The following PIK3CD variants were observed in gnomAD, a reference collection of about 807,000 sequenced individuals.
PIK3CD encodes the protein phosphatidylinositol 4,5-bisphosphate 3-kinase catalytic subunit delta isoform.
In PIK3CD, 20 loss-of-function variants were observed where a neutral mutation model predicts 122.9. The ratio of observed to expected loss-of-function variants is 0.16; its 90% CI spans 0.11 to 0.24. The LOEUF (loss-of-function observed/expected upper bound fraction) is 0.24. Among genes scored for constraint, PIK3CD ranks in the 10% least tolerant of loss-of-function variants. The pLI, the probability that PIK3CD is intolerant of heterozygous loss-of-function variation, is 1.00. For missense variants in PIK3CD, 787 were observed against 1,406.3 expected (o/e 0.56, Z 7.04); for synonymous variants, 596 against 593.4 (o/e 1.00, Z -0.06).
At chr1:9,669,389 A>G (rs1302552484) in intron 1 of PIK3CD, among the ~76,000 whole-genome samples, 1 of 152,176 alleles carries the variant, frequency 6.6e-6, no homozygotes, top group African/African-American at 2.4e-5. Flanking sequence ...CTGAGTCAAC[A>G]TGAGTGACCA....
At chr1:9,659,172 A>G (rs1265403930) in intron 1 of PIK3CD, among the ~76,000 whole-genome samples, 1 of 143,002 alleles carries the variant, frequency 7.0e-6, no homozygotes, top group East Asian at 2.4e-4. Context: ...AGGGTGGGGT[A>G]GGGGGTGGGA....
the PIK3CD span, among the ~76,000 whole-genome samples, chr1:9,638,275 T>A: frequency 0.22 from 34,058 of 151,792 alleles, 5,565 homozygotes; most frequent in East Asian, 0.58. Context: ...CCCAGATAGA[T>A]TGCCACAGAC....
At chr1:9,642,399 C>T in the PIK3CD span, among the ~76,000 whole-genome samples, 1 of 150,780 alleles carries the variant, frequency 6.6e-6, no homozygotes, top group African/African-American at 2.4e-5. Context: ...AGGCGTGAGC[C>T]GCTGTGCCCA....
chr1:9,643,443 G>T, the PIK3CD span, among the ~76,000 whole-genome samples: 1 of 114,036 alleles, frequency 8.8e-6, no homozygotes, highest in South Asian at 3.5e-4. Context: ...AGAGAGAGGG[G>T]AAGGAAGGAA....
intron 2 of PIK3CD, 94 bp downstream of exon 2, chr1:9,691,665 G>T (rs1646201654): frequency 5.1e-6 from 2 of 395,940 alleles, no homozygotes; most frequent in East Asian, 7.2e-5. Context: ...CATCCTCCCC[G>T]ACTCTCCAGC....
chr1:9,725,642 G>A (rs1649428253), intron 23 of PIK3CD, among the ~76,000 whole-genome samples: 1 of 152,044 alleles, frequency 6.6e-6, no homozygotes, highest in Admixed American at 6.6e-5. Context: ...ACTTTGGGGG[G>A]CTGAGGTGGG....
intron 2 of PIK3CD, among the ~76,000 whole-genome samples, chr1:9,692,974 A>G (rs1646263226): frequency 6.6e-6 from 1 of 152,136 alleles, no homozygotes; most frequent in Admixed American, 6.5e-5. Context: ...CCACACATCT[A>G]TTTATACTGA....
In PIK3CD at chr1:9,721,436, C is replaced by G. The variant is rs761564483; in HGVS notation, c.1812-8C>G. 1 of 1,613,298 alleles carries G rather than the reference C, an allele frequency of 6.2e-7. No individual in the cohort carries two copies. Among genetic ancestry groups the G allele is most frequent in the Non-Finnish European group, 8.5e-7 (1 of 1,180,024 alleles). On this transcript the variant is annotated splice_region_variant and splice_polypyrimidine_tract_variant and intron_variant, in intron 14 of 23. Coordinates refer to ENST00000377346, the MANE Select transcript of PIK3CD (RefSeq NM_005026.5). ...AGCTCCAGGCCCCAGCGCCTTCCTTCCCTGCAGGGACGATGAGCTGTTCCA... is the reference window on the plus strand; with the variant it reads ...AGCTCCAGGCCCCAGCGCCTTCCTTGCCTGCAGGGACGATGAGCTGTTCCA...
At chr1:9,660,258 C>T (rs1644973750) in intron 1 of PIK3CD, among the ~76,000 whole-genome samples, 1 of 152,236 alleles carries the variant, frequency 6.6e-6, no homozygotes, top group Non-Finnish European at 1.5e-5. Flanking sequence ...ACTTCTGTTG[C>T]TCCCACTCTA....
At chr1:9,642,207 G>A in the PIK3CD span, among the ~76,000 whole-genome samples, 4 of 151,944 alleles carry the variant, frequency 2.6e-5, no homozygotes, top group South Asian at 8.3e-4. Context: ...CCACATCCCG[G>A]GTTCAAGCAA....
intron 2 of PIK3CD, among the ~76,000 whole-genome samples, chr1:9,707,942 C>T (rs1057046242): frequency 4.7e-5 from 7 of 150,032 alleles, no homozygotes; most frequent in Non-Finnish European, 8.9e-5. Flanking sequence ...TATGGGTGCC[C>T]GCCACCACGC....
intron 2 of PIK3CD, among the ~76,000 whole-genome samples, chr1:9,705,293 A>G (rs528825518): frequency 3.4e-5 from 5 of 147,382 alleles, no homozygotes; most frequent in East Asian, 2.0e-4. Flanking sequence ...CTAAAAACAT[A>G]TATTTTTTTA....
At chr1:9,663,403 C>T (rs915233605) in intron 1 of PIK3CD, among the ~76,000 whole-genome samples, 15 of 152,112 alleles carry the variant, frequency 9.9e-5, no homozygotes, top group African/African-American at 3.4e-4. Context: ...ATCTCTGCAC[C>T]GCTGTGGGGC....
In PIK3CD at chr1:9,717,068, A is replaced by G; in HGVS notation, c.890A>G (p.Gln297Arg). The G allele has an allele frequency of 6.2e-7, 1 of 1,613,998 alleles. No individual in the cohort carries two copies. The highest frequency in any genetic ancestry group is 8.5e-7 in the Non-Finnish European group (1 of 1,180,026). The change falls in exon 7 of 24, where the codon CAG becomes CGG. Residue 297 changes from glutamine (Q) to arginine (R), a missense_variant. Coordinates refer to ENST00000377346, the MANE Select transcript of PIK3CD (RefSeq NM_005026.5). The surrounding 1 kb of genome is among the most constrained non-coding windows in gnomAD (Gnocchi z 5.4). The part of the protein sequence containing the change: ...DEQSNPAPQV[Q>R]KPRAKPPPIP... The stretch of plus-strand genomic sequence containing the variant: ...CAGAGCAACCCTGCCCCCCAGGTCC[A>G]GAAACCGCGTGCCAAACCACCTCCC...
At chr1:9,726,331 ACC>A (rs758959567) in intron 23 of PIK3CD, among the ~76,000 whole-genome samples, 1 of 151,602 alleles carries the variant, frequency 6.6e-6, no homozygotes, top group African/African-American at 2.4e-5. Context: ...ACACGGTGAA[ACC>A]CCGTCTCTAC....
the PIK3CD span, among the ~76,000 whole-genome samples, chr1:9,630,894 G>A: frequency 6.6e-6 from 1 of 152,120 alleles, no homozygotes. Flanking sequence ...GGGAAGTGAT[G>A]GGAGGTGACC....
intron 2 of PIK3CD, among the ~76,000 whole-genome samples, chr1:9,697,364 T>A (rs1410501246): frequency 6.6e-6 from 1 of 152,046 alleles, no homozygotes; most frequent in African/African-American, 2.4e-5. Context: ...TGCTACTTTG[T>A]ACTGTAAGAG....
chr1:9,634,985 G>A, the PIK3CD span, among the ~76,000 whole-genome samples: 2 of 152,110 alleles, frequency 1.3e-5, no homozygotes, highest in Admixed American at 1.3e-4. Flanking sequence ...GAACTTGGGT[G>A]TCCTTATAGG....
chr1:9,713,479 C>T (rs190322707), intron 3 of PIK3CD, among the ~76,000 whole-genome samples: 13 of 152,248 alleles, frequency 8.5e-5, no homozygotes, highest in African/African-American at 2.4e-4. Flanking sequence ...CCTGTTTTCT[C>T]CTCTATGTAC....
Sources: gnomAD v4.1 joint callset for allele counts (sites outside exome capture counted in the v4.1 genomes callset) on GRCh38, gnomAD v4.1.1 for gene constraint, Gnocchi (gnomAD v3.1) non-coding constraint, MANE v1.5 for transcripts, NCBI Gene and HGNC (gene_info 2026-07-23, HGNC 2026-07-21) for gene names.